DSCAM: variants seen among roughly 807,000 people sequenced by gnomAD.
DSCAM encodes the protein cell adhesion molecule DSCAM.
A neutral mutation model predicts 217.7 loss-of-function variants in DSCAM; 47 were observed. The observed-to-expected ratio is 0.22, with a 90% CI of 0.17 to 0.28. The LOEUF (loss-of-function observed/expected upper bound fraction) is 0.28, where lower values mean the gene tolerates loss of function less well. Among genes scored for constraint, DSCAM ranks in the 10% least tolerant of loss-of-function variants. The pLI is 1.00. For synonymous variants in DSCAM, 1,056 were observed against 1,015.3 expected (o/e 1.04, Z -0.76); for missense variants, 2,080 against 2,618.3 (o/e 0.79, Z 4.49).
chr21:40,717,389 T>A (rs2090853533), intron 1 of DSCAM, among the ~76,000 whole-genome samples: 1 of 152,246 alleles, frequency 6.6e-6, no homozygotes, highest in Non-Finnish European at 1.5e-5. Context: ...AGCAAATGTT[T>A]AAAGCAGCAT....
chr21:40,607,971 G>T (rs2089264132), intron 3 of DSCAM, among the ~76,000 whole-genome samples: 1 of 152,134 alleles, frequency 6.6e-6, no homozygotes, highest in Non-Finnish European at 1.5e-5. Flanking sequence ...CTTCTCAGAG[G>T]CTGCAGTGAA....
chr21:40,787,945 C>T (rs1276218238), intron 1 of DSCAM, among the ~76,000 whole-genome samples: 1 of 152,132 alleles, frequency 6.6e-6, no homozygotes, highest in East Asian at 1.9e-4. Context: ...GAAAAACAGA[C>T]ACTATGATAG....
intron 3 of DSCAM, among the ~76,000 whole-genome samples, chr21:40,398,166 T>G (rs1389465438): frequency 6.6e-6 from 1 of 152,216 alleles, no homozygotes; most frequent in Admixed American, 6.5e-5. Flanking sequence ...GGAATCTTCA[T>G]GCTCTGGGCA....
Position 40,416,358 on chromosome 21 carries a change from G to C in DSCAM, c.509-47113C>G, listed in dbSNP as rs186096247. On this transcript the variant is annotated intron_variant, in intron 3 of 32. Coordinates refer to ENST00000400454, the MANE Select transcript of DSCAM (RefSeq NM_001389.5). ...TCTGTCTGCGTGTTTTATCAATAAA[G>C]GAAGGAAAAGCCTCGTAATTATTTG... Among the ~76,000 whole-genome samples the C allele has an allele frequency of 4.0e-3, 607 of 152,296 alleles. 8 individuals are homozygous for C. In the South Asian group the frequency reaches 0.041, roughly 10 times the overall value.
At chr21:40,653,670 C>T (rs1041391483) in intron 3 of DSCAM, among the ~76,000 whole-genome samples, 1 of 152,124 alleles carries the variant, frequency 6.6e-6, no homozygotes, top group Non-Finnish European at 1.5e-5. Context: ...GAAGACCCCG[C>T]GTTGACTGTG....
intron 1 of DSCAM, among the ~76,000 whole-genome samples, chr21:40,778,550 G>T (rs1479720130): frequency 6.6e-6 from 1 of 152,088 alleles, no homozygotes; most frequent in Non-Finnish European, 1.5e-5. Flanking sequence ...AATGTACATG[G>T]TAAATTTCCA....
chr21:40,473,886 T>C (rs989554928), intron 3 of DSCAM, among the ~76,000 whole-genome samples: 1 of 152,116 alleles, frequency 6.6e-6, no homozygotes, highest in Non-Finnish European at 1.5e-5. Flanking sequence ...GATAGCTTCG[T>C]CTTGGACTTA....
intron 3 of DSCAM, among the ~76,000 whole-genome samples, chr21:40,625,386 T>C (rs1238412577): frequency 6.6e-6 from 1 of 152,176 alleles, no homozygotes; most frequent in Non-Finnish European, 1.5e-5. Flanking sequence ...CACTTTCCTC[T>C]ATGGAAGAGT....
intron 8 of DSCAM, among the ~76,000 whole-genome samples, chr21:40,324,646 C>A (rs1406394903): frequency 6.6e-6 from 1 of 152,160 alleles, no homozygotes; most frequent in Non-Finnish European, 1.5e-5. Context: ...ATGATAATAT[C>A]TATATGTAAA....
In DSCAM at chr21:40,466,936, T is replaced by C. The variant is rs187461894; in HGVS notation, c.509-97691A>G. ...TTTCAAATTTACATTGTTTTCCTAA[T>C]GCAATTACATTTTTTTCTTGTTTAT... is the stretch of plus-strand genomic sequence containing the variant. On this transcript the variant is annotated intron_variant, in intron 3 of 32. Coordinates refer to ENST00000400454, the MANE Select transcript of DSCAM (RefSeq NM_001389.5). Among the ~76,000 whole-genome samples, 107 of 152,364 alleles carry C rather than the reference T, an allele frequency of 7.0e-4. 1 individual carries two copies. Among genetic ancestry groups the C allele is most frequent in the African/African-American group, 2.5e-3 (104 of 41,586 alleles).
At position 40,363,252 on chromosome 21, in the gene DSCAM, C is replaced by CTTT. The variant is rs35756323; in HGVS notation, c.655+5844_655+5846dup. Among the ~76,000 whole-genome samples, 368 of 116,146 alleles carry CTTT rather than the reference C, an allele frequency of 3.2e-3. 19 individuals carry two copies. The highest frequency in any genetic ancestry group is 0.021 in the East Asian group (84 of 3,912). The allele number at this position is 116,146 out of a possible 152,430, so 76.2% of individuals were successfully genotyped here. ...GTGTGTACCAATAGTTTTTTGTGTT[C>CTTT]TTTTTTTTTTTTTTTTTTGAGATGG... On this transcript the variant is annotated intron_variant, in intron 4 of 32. Coordinates refer to ENST00000400454, the MANE Select transcript of DSCAM (RefSeq NM_001389.5).
intron 24 of DSCAM, among the ~76,000 whole-genome samples, chr21:40,083,401 C>A (rs2146567838): frequency 6.6e-6 from 1 of 152,338 alleles, no homozygotes; most frequent in African/African-American, 2.4e-5. Flanking sequence ...TGCACTCCAG[C>A]CTGGGTGACA....
intron 11 of DSCAM, among the ~76,000 whole-genome samples, chr21:40,259,661 CTTTTTTTTTTT>C (rs542106779): frequency 0.024 from 1,436 of 59,476 alleles, 29 homozygotes; most frequent in African/African-American, 0.063. Flanking sequence ...GTCAGCCATT[CTTTTTTTTTTT>C]TTTTTTTTTT....
At chr21:40,534,674 G>T (rs16999939) in intron 3 of DSCAM, among the ~76,000 whole-genome samples, 11,992 of 152,142 alleles carry the variant, frequency 0.079, 818 homozygotes, top group African/African-American at 0.18. Flanking sequence ...TGAAGAGCAG[G>T]TATCTTGCTT....
chr21:40,406,482 T>C (rs2075280630), intron 3 of DSCAM, among the ~76,000 whole-genome samples: 1 of 152,174 alleles, frequency 6.6e-6, no homozygotes, highest in East Asian at 1.9e-4. Context: ...AATGAAATCG[T>C]GCCATTTGAA....
chr21:40,294,429 C>T (rs2073930721), intron 10 of DSCAM, among the ~76,000 whole-genome samples: 1 of 152,150 alleles, frequency 6.6e-6, no homozygotes, highest in Non-Finnish European at 1.5e-5. Flanking sequence ...AAAATGTTAT[C>T]TAGTTGGTGA....
At position 40,418,030 on chromosome 21, in the gene DSCAM, C is replaced by T. The variant is rs1165288386; in HGVS notation, c.509-48785G>A. 2.6e-5 allele frequency among the ~76,000 whole-genome samples: 4 copies of T among 152,092 alleles called. 1 individual carries two copies. On this transcript the variant is annotated intron_variant, in intron 3 of 32. Coordinates refer to ENST00000400454, the MANE Select transcript of DSCAM (RefSeq NM_001389.5). ...CCCTTTCTTCTATGCAAAAGTTCCT[C>T]AACAAAAGGCAGATTGGAGAACTTC... is the stretch of plus-strand genomic sequence containing the variant.
chr21:40,014,640 C>T (rs2088125278), intron 32 of DSCAM, among the ~76,000 whole-genome samples: 1 of 152,170 alleles, frequency 6.6e-6, no homozygotes, highest in Non-Finnish European at 1.5e-5. Context: ...GTGCCTCCAA[C>T]CAATCCCTCC....
chr21:40,837,448 C>A (rs923449086), intron 1 of DSCAM, among the ~76,000 whole-genome samples: 13 of 152,154 alleles, frequency 8.5e-5, no homozygotes, highest in Non-Finnish European at 1.5e-4. Flanking sequence ...CATTTTTCTA[C>A]CCAGATTTCT....
Sources: allele counts gnomAD v4.1 joint callset (sites outside exome capture counted in the v4.1 genomes callset), GRCh38; gene constraint gnomAD v4.1.1; transcripts MANE v1.5; gene names NCBI Gene and HGNC (gene_info 2026-07-23, HGNC 2026-07-21).